HPSE2: variants seen among roughly 807,000 people sequenced by gnomAD.
The protein encoded by HPSE2 is inactive heparanase-2.
HPSE2 carries 38 observed loss-of-function variants against 60.5 expected under a neutral mutation model. The observed-to-expected ratio is 0.63, with a 90% CI of 0.48 to 0.82. HPSE2 has a LOEUF of 0.82. Among genes scored for constraint, HPSE2 ranks in the 40% least tolerant of loss-of-function variants. HPSE2 has a pLI of 0.00. For synonymous variants in HPSE2, 295 were observed against 293.2 expected, an observed-to-expected ratio of 1.01 and a Z score of -0.06; for missense variants, 713 against 740.4, an observed-to-expected ratio of 0.96 and a Z score of 0.43.
intron 3 of HPSE2, among the ~76,000 whole-genome samples, chr10:99,100,612 C>T (rs984273898): frequency 1.3e-5 from 2 of 152,102 alleles, no homozygotes; most frequent in Admixed American, 6.5e-5. Flanking sequence ...GCAAGGCAGA[C>T]CAACATTCAA....
chr10:99,076,174 G>A (rs1842946046), intron 3 of HPSE2, among the ~76,000 whole-genome samples: 1 of 147,764 alleles, frequency 6.8e-6, no homozygotes, highest in East Asian at 2.0e-4. Context: ...TTTTTGTATT[G>A]ATATACTTTG....
chr10:99,060,281 G>T (rs372145349), intron 3 of HPSE2, among the ~76,000 whole-genome samples: 1 of 152,080 alleles, frequency 6.6e-6, no homozygotes, highest in African/African-American at 2.4e-5. Flanking sequence ...GGAGCAAGAT[G>T]GCCAAATAGA....
chr10:98,849,740 T>G (rs1463809633), intron 3 of HPSE2, among the ~76,000 whole-genome samples: 3 of 152,202 alleles, frequency 2.0e-5, no homozygotes, highest in African/African-American at 7.2e-5. Context: ...TTGGCCCTAT[T>G]TAAGCTCCTC....
At position 98,932,609 on chromosome 10, in the gene HPSE2, T is replaced by C. The variant is rs1201317648; in HGVS notation, c.611-188553A>G. Among the ~76,000 whole-genome samples the C allele has an allele frequency of 2.1e-5, 3 of 142,378 alleles. 1 individual carries two copies. The highest frequency in any genetic ancestry group is 5.7e-5 in the African/African-American group (2 of 34,786). The allele number at this position is 142,378 out of a possible 152,430, so 93.4% of individuals were successfully genotyped here. A position where few individuals can be genotyped will look rare whatever the true frequency, so the allele number is the denominator to read the frequency against. ...AACTCCATCTGGAGCTGGGCTTTTT[T>C]TTTTTTTTGGCTGGTAGGCTATTTA... On this transcript the variant is annotated intron_variant, in intron 3 of 11. Transcript: ENST00000370552.
At chr10:98,537,459 T>C (rs1943318915) in intron 9 of HPSE2, among the ~76,000 whole-genome samples, 1 of 152,178 alleles carries the variant, frequency 6.6e-6, no homozygotes, top group Admixed American at 6.5e-5. Context: ...GATATAGAGA[T>C]GACCATGAAC....
At chr10:98,908,714 G>A (rs556612206) in intron 3 of HPSE2, among the ~76,000 whole-genome samples, 1 of 143,554 alleles carries the variant, frequency 7.0e-6, no homozygotes, top group Non-Finnish European at 1.5e-5. Context: ...AAAAAAGATG[G>A]TATATGGAAA....
At chr10:99,059,717 A>G (rs1406373898) in intron 3 of HPSE2, among the ~76,000 whole-genome samples, 4 of 152,168 alleles carry the variant, frequency 2.6e-5, no homozygotes, top group Non-Finnish European at 5.9e-5. Flanking sequence ...AATACACAAG[A>G]GCAGCACAAA....
chr10:99,097,142 T>C (rs942384612), intron 3 of HPSE2, among the ~76,000 whole-genome samples: 18 of 152,140 alleles, frequency 1.2e-4, no homozygotes, highest in Non-Finnish European at 2.4e-4. Flanking sequence ...AGGGTCTAAG[T>C]CTCACTCTAC....
chr10:99,281,242 C>T, the HPSE2 span, among the ~76,000 whole-genome samples: 4 of 147,622 alleles, frequency 2.7e-5, no homozygotes, highest in African/African-American at 7.4e-5. Flanking sequence ...CAGAATAGTG[C>T]CTATATTAAT....
chr10:98,848,647 T>G (rs1329639811), intron 3 of HPSE2, among the ~76,000 whole-genome samples: 2 of 152,154 alleles, frequency 1.3e-5, no homozygotes, highest in African/African-American at 4.8e-5. Context: ...TCCTTATTTC[T>G]GAGGCCATGG....
chr10:99,306,920 G>A, the HPSE2 span, among the ~76,000 whole-genome samples: 6 of 152,214 alleles, frequency 3.9e-5, no homozygotes, highest in Admixed American at 2.6e-4. Context: ...CTGTTGGTCA[G>A]GCTGGTCTCG....
intron 11 of HPSE2, among the ~76,000 whole-genome samples, chr10:98,464,279 G>C (rs543730760): frequency 6.6e-6 from 1 of 152,228 alleles, no homozygotes; most frequent in East Asian, 1.9e-4. Context: ...ATTTTGAAAG[G>C]ACAATTACTA....
chr10:98,782,921 T>A lies in HPSE2; in HGVS notation c.611-38865A>T, dbSNP rs1284868299. ...ACTTCCCTGTTTGTTTATTTTTTTT[T>A]TTTTATTTTTTTTTTTAATGTTTTT... is the stretch of plus-strand genomic sequence containing the variant. On this transcript the variant is annotated intron_variant, in intron 3 of 11. Transcript: ENST00000370552. Among the ~76,000 whole-genome samples the A allele has an allele frequency of 4.2e-4, 17 of 40,892 alleles. No individual in the cohort carries two copies. The East Asian group carries it at 7.1e-3, about 17-fold the overall frequency. 26.8% of individuals were successfully genotyped at this position (40,892 alleles called of 152,430 possible).
chr10:99,053,719 CTTTTTTTTTTT>C (rs11301458), intron 3 of HPSE2, among the ~76,000 whole-genome samples: 3 of 57,784 alleles, frequency 5.2e-5, no homozygotes, highest in Non-Finnish European at 8.6e-5. Context: ...GAGTTACAGT[CTTTTTTTTTTT>C]TTTTTTTTTT....
At chr10:99,072,593 C>T (rs761195279) in intron 3 of HPSE2, among the ~76,000 whole-genome samples, 2 of 152,046 alleles carry the variant, frequency 1.3e-5, no homozygotes, top group African/African-American at 2.4e-5. Flanking sequence ...AAATCAAAAC[C>T]ATAATGAGAT....
chr10:99,009,068 G>C (rs1173731927), intron 3 of HPSE2, among the ~76,000 whole-genome samples: 1 of 151,924 alleles, frequency 6.6e-6, no homozygotes, highest in Non-Finnish European at 1.5e-5. Context: ...CAATTATGTA[G>C]TTTTTCAGTG....
chr10:98,918,411 A>G (rs1954183382), intron 3 of HPSE2, among the ~76,000 whole-genome samples: 1 of 151,764 alleles, frequency 6.6e-6, no homozygotes, highest in African/African-American at 2.4e-5. Flanking sequence ...TCACAATAGC[A>G]AAGACTTGGA....
chr10:99,220,185 G>T (rs922404678), intron 2 of HPSE2, among the ~76,000 whole-genome samples: 19 of 152,098 alleles, frequency 1.2e-4, no homozygotes, highest in Non-Finnish European at 1.9e-4. Flanking sequence ...GATTAAGATG[G>T]ATAATGGTGT....
chr10:98,556,754 C>A (rs538342440), intron 9 of HPSE2, among the ~76,000 whole-genome samples: 4 of 152,288 alleles, frequency 2.6e-5, no homozygotes, highest in African/African-American at 9.6e-5. Context: ...ACTACAGATT[C>A]AATGCAACCT....
Sources: gnomAD v4.1 joint callset for allele counts (sites outside exome capture counted in the v4.1 genomes callset) on GRCh38, gnomAD v4.1.1 for gene constraint, MANE v1.5 for transcripts, NCBI Gene and HGNC (gene_info 2026-07-23, HGNC 2026-07-21) for gene names.